GPC6: variants seen among roughly 807,000 people sequenced by gnomAD.
GPC6 encodes glypican-6.
In GPC6, 14 loss-of-function variants were observed where a neutral mutation model predicts 55.2. That is an observed-to-expected ratio of 0.25 (90% CI 0.17 to 0.40). The LOEUF (loss-of-function observed/expected upper bound fraction) is 0.40. GPC6 is among the 10% of genes least tolerant of loss of function. GPC6 has a pLI of 1.00. For synonymous variants in GPC6, 278 were observed against 259.6 expected (o/e 1.07, Z -0.68); for missense variants, 641 against 708.5 (o/e 0.90, Z 1.08).
At chr13:93,335,312 A>G (rs1880008967) in intron 1 of GPC6, among the ~76,000 whole-genome samples, 1 of 152,338 alleles carries the variant, frequency 6.6e-6, no homozygotes, top group South Asian at 2.1e-4. Context: ...TATTATCATA[A>G]TAATACACCT....
intron 1 of GPC6, among the ~76,000 whole-genome samples, chr13:93,484,504 A>G (rs1376993647): frequency 6.6e-6 from 1 of 152,170 alleles, no homozygotes; most frequent in East Asian, 1.9e-4. Context: ...TTCTGCTTAG[A>G]ATAATATATC....
intron 2 of GPC6, among the ~76,000 whole-genome samples, chr13:93,699,391 G>T (rs568235433): frequency 3.3e-5 from 5 of 152,130 alleles, no homozygotes; most frequent in Non-Finnish European, 5.9e-5. Context: ...GTAAAGGGAA[G>T]TGGAGTGGAG....
chr13:94,074,032 T>C (rs1884826266), intron 4 of GPC6, among the ~76,000 whole-genome samples: 1 of 152,188 alleles, frequency 6.6e-6, no homozygotes, highest in South Asian at 2.1e-4. Context: ...AGAGTTTCTG[T>C]TGTTTTAGGA....
chr13:93,537,900 TTAAAA>T (rs71997911), intron 1 of GPC6, among the ~76,000 whole-genome samples: 8,901 of 152,060 alleles, frequency 0.059, 817 homozygotes, highest in African/African-American at 0.2. Context: ...AAATATGAAA[TTAAAA>T]TAAAGAACTG....
intron 1 of GPC6, among the ~76,000 whole-genome samples, chr13:93,429,668 A>T (rs1301431007): frequency 1.3e-5 from 2 of 152,108 alleles, no homozygotes; most frequent in African/African-American, 4.8e-5. Context: ...TTGGCATCTG[A>T]TATGAGAAAA....
At chr13:94,175,268 T>C (rs1888707539) in intron 4 of GPC6, among the ~76,000 whole-genome samples, 1 of 152,164 alleles carries the variant, frequency 6.6e-6, no homozygotes, top group African/African-American at 2.4e-5. Context: ...GTGGATAATA[T>C]GCTCTCTGTT....
chr13:94,301,197 C>T (rs1875628177), intron 5 of GPC6, among the ~76,000 whole-genome samples: 1 of 152,164 alleles, frequency 6.6e-6, no homozygotes, highest in Non-Finnish European at 1.5e-5. Flanking sequence ...TATATAACAG[C>T]CATTTGCCCT....
intron 1 of GPC6, among the ~76,000 whole-genome samples, chr13:93,407,411 C>T (rs2139240254): frequency 6.6e-6 from 1 of 152,086 alleles, no homozygotes; most frequent in African/African-American, 2.4e-5. Flanking sequence ...AACACCAACT[C>T]ATTGTATTTT....
At chr13:93,539,846 C>T (rs1882217197) in intron 1 of GPC6, among the ~76,000 whole-genome samples, 2 of 152,024 alleles carry the variant, frequency 1.3e-5, no homozygotes, top group African/African-American at 4.8e-5. Flanking sequence ...CATGCGCCAC[C>T]ACTCCCGGCT....
chr13:93,567,569 C>T (rs866399286), intron 2 of GPC6, among the ~76,000 whole-genome samples: 30 of 151,918 alleles, frequency 2.0e-4, no homozygotes, highest in Middle Eastern at 3.4e-3. Flanking sequence ...ATGATCTGCC[C>T]GCCTCGGCCT....
intron 1 of GPC6, among the ~76,000 whole-genome samples, chr13:93,350,023 A>G (rs907132683): frequency 6.6e-6 from 1 of 152,216 alleles, no homozygotes; most frequent in Non-Finnish European, 1.5e-5. Flanking sequence ...AATTTTCACA[A>G]CAGTCTTTTG....
rs143698312 is a variant in GPC6 at position 93,932,711 on chromosome 13, G to A, written c.712-95018G>A. Among the ~76,000 whole-genome samples, 889 of 152,168 alleles carry A rather than the reference G, an allele frequency of 5.8e-3. 18 individuals are homozygous for A. The highest frequency in any genetic ancestry group is 0.021 in the African/African-American group (854 of 41,516). ...CCACCCTTCCTGGCTCTGGGACCGT[G>A]AGCCCAGTTACTTAAAGTTTCTGGT... On this transcript the variant is annotated intron_variant, in intron 3 of 8. Transcript: ENST00000377047.
At chr13:93,652,079 T>G (rs1880444550) in intron 2 of GPC6, among the ~76,000 whole-genome samples, 1 of 152,178 alleles carries the variant, frequency 6.6e-6, no homozygotes, top group Admixed American at 6.5e-5. Context: ...AAGTCCTAAT[T>G]GATCTCAGGC....
intron 4 of GPC6, among the ~76,000 whole-genome samples, chr13:94,139,388 A>G (rs182097024): frequency 6.6e-6 from 1 of 152,194 alleles, no homozygotes; most frequent in Non-Finnish European, 1.5e-5. Context: ...TTTGTCCTGT[A>G]TTAATATCCA....
chr13:93,597,007 CAAAAAAAAAA>C (rs10709473), intron 2 of GPC6, among the ~76,000 whole-genome samples: 12 of 68,052 alleles, frequency 1.8e-4, no homozygotes, highest in South Asian at 7.2e-4. Flanking sequence ...TCAAATCTGG[CAAAAAAAAAA>C]AAAAAAAAAA....
At chr13:94,353,187 G>A (rs914535711) in intron 6 of GPC6, among the ~76,000 whole-genome samples, 17 of 152,208 alleles carry the variant, frequency 1.1e-4, no homozygotes, top group African/African-American at 1.4e-4. Flanking sequence ...CACAGAGCGC[G>A]ACTTTCTTCT....
intron 2 of GPC6, among the ~76,000 whole-genome samples, chr13:93,812,474 A>G (rs1886727894): frequency 6.6e-6 from 1 of 152,056 alleles, no homozygotes. Context: ...TGAGTGAAGG[A>G]TATACAGGTT....
At chr13:93,890,416 G>A (rs1875601734) in intron 3 of GPC6, among the ~76,000 whole-genome samples, 1 of 152,042 alleles carries the variant, frequency 6.6e-6, no homozygotes, top group Admixed American at 6.6e-5. Flanking sequence ...CTTGTTTACT[G>A]TAATCAATAA....
intron 1 of GPC6, among the ~76,000 whole-genome samples, chr13:93,463,616 A>G (rs890430220): frequency 3.9e-5 from 6 of 152,172 alleles, no homozygotes; most frequent in Admixed American, 1.3e-4. Flanking sequence ...GCCACTGTGT[A>G]CCAATGTTGA....
Sources: gnomAD v4.1 joint callset for allele counts (sites outside exome capture counted in the v4.1 genomes callset) on GRCh38, gnomAD v4.1.1 for gene constraint, MANE v1.5 for transcripts, NCBI Gene and HGNC (gene_info 2026-07-23, HGNC 2026-07-21) for gene names.